Variants in ACYP2 observed in about 807,000 individuals in gnomAD.
ACYP2 encodes acylphosphatase-2.
ACYP2 carries 12 observed loss-of-function variants against 11.2 expected under a neutral mutation model. The ratio of observed to expected loss-of-function variants is 1.08; its 90% CI spans 0.69 to 1.74. The LOEUF (loss-of-function observed/expected upper bound fraction) is 1.74, where lower values mean the gene tolerates loss of function less well. ACYP2 is among the 40% of genes most tolerant of loss of function. ACYP2 has a pLI of 0.00. For synonymous variants in ACYP2, 43 were observed against 32.2 expected, an observed-to-expected ratio of 1.33 and a Z score of -1.13; for missense variants, 134 against 101.9, an observed-to-expected ratio of 1.31 and a Z score of -1.35.
intron 6 of ACYP2, among the ~76,000 whole-genome samples, chr2:54,156,344 G>T (rs1238768271): frequency 1.3e-5 from 2 of 152,150 alleles, no homozygotes; most frequent in African/African-American, 4.8e-5. Flanking sequence ...ATGGTGGTTT[G>T]CTGTACCTAT....
At chr2:54,286,452 G>C (rs1689081778) in intron 6 of ACYP2, among the ~76,000 whole-genome samples, 1 of 151,896 alleles carries the variant, frequency 6.6e-6, no homozygotes, top group South Asian at 2.1e-4. Flanking sequence ...CCCCCATCAG[G>C]GACTCTCTGT....
At chr2:54,202,940 G>A (rs989226931) in intron 6 of ACYP2, among the ~76,000 whole-genome samples, 1 of 151,540 alleles carries the variant, frequency 6.6e-6, no homozygotes, top group Non-Finnish European at 1.5e-5. Flanking sequence ...AGATTGTTAC[G>A]GCTATTCGTG....
chr2:54,076,620 G>T (rs1487596044), intron 4 of ACYP2, among the ~76,000 whole-genome samples: 2 of 152,170 alleles, frequency 1.3e-5, no homozygotes, highest in African/African-American at 4.8e-5. Context: ...TCATTTAGAA[G>T]ATGAATTTAA....
chr2:54,184,930 T>A (rs925123208), intron 6 of ACYP2, among the ~76,000 whole-genome samples: 2 of 151,084 alleles, frequency 1.3e-5, no homozygotes, highest in Non-Finnish European at 2.9e-5. Flanking sequence ...CACTGAAACC[T>A]CTGCCTCCCG....
chr2:54,119,766 C>G (rs1680036893), intron 4 of ACYP2, among the ~76,000 whole-genome samples: 1 of 152,144 alleles, frequency 6.6e-6, no homozygotes, highest in Non-Finnish European at 1.5e-5. Flanking sequence ...AACTAAAGTC[C>G]TTACTTTTTT....
chr2:54,195,638 C>CAA lies in ACYP2; in HGVS notation c.404+56902_404+56903dup, dbSNP rs776374582. On this transcript the variant is annotated intron_variant, in intron 6 of 6. Coordinates refer to ENST00000607452, the MANE Select transcript of ACYP2 (RefSeq NM_001320586.2). ...TGCAAGAATGAAGACTGGCCAAAGG[C>CAA]AAAAAAAAAAAAACAAAACACTGTA... is the stretch of plus-strand genomic sequence containing the variant. 2.4e-3 allele frequency among the ~76,000 whole-genome samples: 200 copies of CAA among 82,878 alleles called. 4 individuals carry two copies. The highest frequency in any genetic ancestry group is 5.1e-3 in the East Asian group (15 of 2,962). The allele number at this position is 82,878 out of a possible 152,430, so 54.4% of individuals were successfully genotyped here. A position where few individuals can be genotyped will look rare whatever the true frequency, so the allele number is the denominator to read the frequency against.
At chr2:54,124,249 C>G (rs1278652002) in intron 4 of ACYP2, among the ~76,000 whole-genome samples, 3 of 151,092 alleles carry the variant, frequency 2.0e-5, no homozygotes, top group African/African-American at 7.3e-5. Context: ...GGCTGGAGTG[C>G]AATGGCGCGA....
At chr2:54,255,866 C>G in intron 6 of ACYP2, 1 of 1,614,110 alleles carries the variant, frequency 6.2e-7, no homozygotes, top group Non-Finnish European at 8.5e-7. Context: ...TCTAGGCCCT[C>G]CGCGGGTGGT....
chr2:54,266,507 A>G (rs1688024029), intron 6 of ACYP2, among the ~76,000 whole-genome samples: 2 of 151,744 alleles, frequency 1.3e-5, no homozygotes, highest in South Asian at 4.2e-4. Context: ...TCAACAGATA[A>G]GAAAACTGAG....
chr2:54,023,817 C>A (rs1041134939), intron 2 of ACYP2, among the ~76,000 whole-genome samples: 2 of 151,822 alleles, frequency 1.3e-5, no homozygotes, highest in Non-Finnish European at 2.9e-5. Flanking sequence ...AAATTGCCAA[C>A]AAAAAAATGT....
intron 6 of ACYP2, among the ~76,000 whole-genome samples, chr2:54,265,649 A>T (rs1197063292): frequency 6.6e-6 from 1 of 152,224 alleles, no homozygotes; most frequent in Non-Finnish European, 1.5e-5. Context: ...ACAGATAAAT[A>T]TCTACATACA....
chr2:53,976,597 G>A (rs1671506441), intron 2 of ACYP2, among the ~76,000 whole-genome samples: 1 of 151,756 alleles, frequency 6.6e-6, no homozygotes, highest in Non-Finnish European at 1.5e-5. Flanking sequence ...AGTTATTAGA[G>A]GAACAAGAAT....
chr2:54,131,162 CTGTG>C (rs1680876783), intron 4 of ACYP2, among the ~76,000 whole-genome samples: 1 of 152,218 alleles, frequency 6.6e-6, no homozygotes, highest in Non-Finnish European at 1.5e-5. Context: ...CAATGTTTAA[CTGTG>C]TGCCTATTAG....
intron 4 of ACYP2, among the ~76,000 whole-genome samples, chr2:54,093,990 G>A (rs1678379795): frequency 6.6e-6 from 1 of 152,068 alleles, no homozygotes; most frequent in Non-Finnish European, 1.5e-5. Flanking sequence ...CAGTATCATT[G>A]TGAAGTGTAA....
intron 6 of ACYP2, among the ~76,000 whole-genome samples, chr2:54,144,713 T>C (rs1400932117): frequency 6.6e-6 from 1 of 152,064 alleles, no homozygotes; most frequent in Non-Finnish European, 1.5e-5. Flanking sequence ...TCTGTGCTTA[T>C]ATGCCCTTTG....
chr2:54,257,603 G>T (rs766787245), intron 6 of ACYP2, among the ~76,000 whole-genome samples: 2 of 151,972 alleles, frequency 1.3e-5, no homozygotes, highest in Non-Finnish European at 2.9e-5. Flanking sequence ...TAGAGAAAAG[G>T]TAATAATAAA....
chr2:54,052,523 C>T (rs940123088), intron 3 of ACYP2, among the ~76,000 whole-genome samples: 6 of 152,048 alleles, frequency 3.9e-5, no homozygotes, highest in African/African-American at 1.4e-4. Flanking sequence ...TCTGTTGCAG[C>T]TTATAAGAAA....
intron 6 of ACYP2, among the ~76,000 whole-genome samples, chr2:54,232,242 G>A (rs979371174): frequency 2.6e-5 from 4 of 152,128 alleles, no homozygotes; most frequent in Non-Finnish European, 4.4e-5. Context: ...AGAAATGGCT[G>A]CAGCAGTTCC....
chr2:54,098,191 G>A (rs1678699513), intron 4 of ACYP2, among the ~76,000 whole-genome samples: 1 of 151,904 alleles, frequency 6.6e-6, no homozygotes, highest in Non-Finnish European at 1.5e-5. Flanking sequence ...CTGGTCTTGA[G>A]CTCCTGACCT....
Sources: allele counts gnomAD v4.1 joint callset (sites outside exome capture counted in the v4.1 genomes callset), GRCh38; gene constraint gnomAD v4.1.1; transcripts MANE v1.5; gene names NCBI Gene and HGNC (gene_info 2026-07-23, HGNC 2026-07-21).